Variants in FAM171A1 observed in about 807,000 individuals in gnomAD.
The protein encoded by FAM171A1 is protein FAM171A1.
In FAM171A1, 23 loss-of-function variants were observed where a neutral mutation model predicts 74.9. That is an observed-to-expected ratio of 0.31 (90% CI 0.22 to 0.44). The LOEUF is 0.44. Ranked by LOEUF, FAM171A1 falls within the 20% of genes least tolerant of loss-of-function variation. FAM171A1 has a pLI of 1.00. For synonymous variants in FAM171A1, 527 were observed against 505.7 expected (o/e 1.04, Z -0.57); for missense variants, 1,162 against 1,159.2 (o/e 1.00, Z -0.03).
intron 2 of FAM171A1, among the ~76,000 whole-genome samples, chr10:15,282,066 T>C (rs573099979): frequency 2.6e-5 from 4 of 152,242 alleles, no homozygotes; most frequent in Non-Finnish European, 5.9e-5. Context: ...AAGCATTCTG[T>C]TGGTGATTTT....
chr10:15,259,261 G>A (rs991277502), intron 3 of FAM171A1, among the ~76,000 whole-genome samples: 3 of 152,104 alleles, frequency 2.0e-5, no homozygotes, highest in Non-Finnish European at 4.4e-5. Flanking sequence ...ATCCAACAGC[G>A]TATGTTACCT....
In FAM171A1 at chr10:15,333,415, G is replaced by A. The variant is rs532310347; in HGVS notation, c.97+37541C>T. On this transcript the variant is annotated intron_variant, in intron 1 of 7. Transcript: ENST00000378116. The stretch of plus-strand genomic sequence containing the variant: ...CCTGGGAGGCTAGGACAGGAGAATT[G>A]CCTGAACCCAGGAGGCGGAGGGTGC... Among the ~76,000 whole-genome samples the A allele has an allele frequency of 3.9e-5, 6 of 152,320 alleles. No homozygotes were observed. In the South Asian group the frequency reaches 1.2e-3, roughly 32 times the overall value.
At chr10:15,310,290 C>T (rs914994059) in intron 1 of FAM171A1, among the ~76,000 whole-genome samples, 1 of 152,112 alleles carries the variant, frequency 6.6e-6, no homozygotes, top group Admixed American at 6.5e-5. Flanking sequence ...TAAATCATCA[C>T]ACGGTTTCTC....
At chr10:15,353,358 A>AT (rs1413475351) in intron 1 of FAM171A1, among the ~76,000 whole-genome samples, 2 of 152,140 alleles carry the variant, frequency 1.3e-5, no homozygotes, top group Admixed American at 1.3e-4. Flanking sequence ...ACACGCATAC[A>AT]TTTTTCTAAC....
chr10:15,290,050 A>G (rs1835084879), intron 1 of FAM171A1, among the ~76,000 whole-genome samples: 1 of 152,166 alleles, frequency 6.6e-6, no homozygotes, highest in South Asian at 2.1e-4. Context: ...CAACATAGTG[A>G]AACCCCGTCT....
intron 1 of FAM171A1, among the ~76,000 whole-genome samples, chr10:15,305,349 C>G (rs1319490500): frequency 6.6e-6 from 1 of 152,142 alleles, no homozygotes; most frequent in Non-Finnish European, 1.5e-5. Context: ...GAACCTCTCA[C>G]GTCACCTTCC....
chr10:15,276,285 A>T (rs1353149373), intron 2 of FAM171A1, among the ~76,000 whole-genome samples: 2 of 151,592 alleles, frequency 1.3e-5, no homozygotes, highest in Non-Finnish European at 2.9e-5. Flanking sequence ...GGTTCAAGCG[A>T]TTCTCCTGCC....
At chr10:15,306,629 G>C (rs1835299049) in intron 1 of FAM171A1, among the ~76,000 whole-genome samples, 1 of 152,166 alleles carries the variant, frequency 6.6e-6, no homozygotes, top group South Asian at 2.1e-4. Context: ...GCCTCCCAAA[G>C]TGCTGGGATT....
intron 1 of FAM171A1, among the ~76,000 whole-genome samples, chr10:15,304,055 T>A (rs1270989878): frequency 2.0e-5 from 3 of 152,064 alleles, no homozygotes; most frequent in Non-Finnish European, 2.9e-5. Context: ...AGACTGGCAA[T>A]GGAGAAAAAG....
At chr10:15,312,538 C>A (rs750415012) in intron 1 of FAM171A1, among the ~76,000 whole-genome samples, 4 of 151,884 alleles carry the variant, frequency 2.6e-5, no homozygotes, top group Non-Finnish European at 5.9e-5. Flanking sequence ...TCCTGTCCCT[C>A]CATACCCCCA....
At chr10:15,229,382 T>C (rs1228561864) in intron 5 of FAM171A1, among the ~76,000 whole-genome samples, 1 of 152,060 alleles carries the variant, frequency 6.6e-6, no homozygotes, top group African/African-American at 2.4e-5. Context: ...GGTATGCACC[T>C]CTCAGATCCA....
chr10:15,237,912 C>T (rs1247576915), intron 5 of FAM171A1, among the ~76,000 whole-genome samples: 1 of 152,108 alleles, frequency 6.6e-6, no homozygotes, highest in Non-Finnish European at 1.5e-5. Context: ...TGAATATTTC[C>T]ACTGTAAAAA....
Position 15,356,220 on chromosome 10 carries a change from A to G in FAM171A1, c.97+14736T>C, listed in dbSNP as rs145933061. Among the ~76,000 whole-genome samples the G allele has an allele frequency of 2.5e-3, 373 of 148,934 alleles. 4 individuals carry two copies. The highest frequency in any genetic ancestry group is 0.012 in the East Asian group (62 of 5,134). On this transcript the variant is annotated intron_variant, in intron 1 of 7. Transcript: ENST00000378116. Reference sequence around the variant, plus strand: ...TTCATATATATAAATACATACATACATATATATATATAAATACATACATAC... The same window carrying G: ...TTCATATATATAAATACATACATACGTATATATATATAAATACATACATAC...
intron 1 of FAM171A1, among the ~76,000 whole-genome samples, chr10:15,331,008 G>A (rs1835623949): frequency 6.6e-6 from 1 of 151,982 alleles, no homozygotes; most frequent in Non-Finnish European, 1.5e-5. Context: ...TCCTGCCTCA[G>A]TCTCCCAAGT....
rs141312276 is a variant in FAM171A1, at chr10:15,254,845, T to C, written c.453A>G (p.Arg151=). ...ARPQPRVHFQ[R]RALRLPENTS... ...TGTTCTCAGGCAACCTCAGAGCCCTTCTCTGGAAATGAACGCGAGGCTGTG... is the reference window on the plus strand; with the variant it reads ...TGTTCTCAGGCAACCTCAGAGCCCTCCTCTGGAAATGAACGCGAGGCTGTG... Residue 151 remains arginine (R), a synonymous_variant, in exon 4 of 8, where the codon AGA becomes AGG. Transcript: ENST00000378116. 2 of 1,614,058 alleles carry C rather than the reference T, an allele frequency of 1.2e-6. No individual in the cohort carries two copies. Among genetic ancestry groups the C allele is most frequent in the South Asian group, 2.2e-5 (2 of 91,076 alleles).
rs542364858 is a variant in FAM171A1 at position 15,317,503 on chromosome 10, T to A, written c.98-33398A>T. On this transcript the variant is annotated intron_variant, in intron 1 of 7. Transcript: ENST00000378116. ...TCCACTTCCCAGGTTCAAGCGACTC[T>A]CCTGCCTCAGCCTCCCTACTAGCTG... is the stretch of plus-strand genomic sequence containing the variant. 1.8e-4 allele frequency among the ~76,000 whole-genome samples: 28 copies of A among 152,298 alleles called. No homozygotes were observed. The East Asian group carries it at 5.0e-3, about 27-fold the overall frequency.
At chr10:15,293,834 G>C (rs1835130775) in intron 1 of FAM171A1, among the ~76,000 whole-genome samples, 1 of 152,168 alleles carries the variant, frequency 6.6e-6, no homozygotes, top group Non-Finnish European at 1.5e-5. Context: ...TGGAAGGGTG[G>C]GTACCACGGG....
At chr10:15,351,783 G>A (rs1835883252) in intron 1 of FAM171A1, among the ~76,000 whole-genome samples, 1 of 152,182 alleles carries the variant, frequency 6.6e-6, no homozygotes, top group Non-Finnish European at 1.5e-5. Flanking sequence ...GCCAGGTGTG[G>A]TGGCTGATGC....
intron 1 of FAM171A1, among the ~76,000 whole-genome samples, chr10:15,296,945 C>T (rs1243810456): frequency 1.3e-5 from 2 of 152,122 alleles, no homozygotes; most frequent in African/African-American, 2.4e-5. Context: ...GTGGTAGACT[C>T]GACAGCTACA....
Sources: allele counts gnomAD v4.1 joint callset (sites outside exome capture counted in the v4.1 genomes callset), GRCh38; gene constraint gnomAD v4.1.1; transcripts MANE v1.5; gene names NCBI Gene and HGNC (gene_info 2026-07-23, HGNC 2026-07-21).